Variants in ONECUT2 observed in about 807,000 individuals in gnomAD.
The protein encoded by ONECUT2 is one cut homeobox 2, also known as one cut domain family member 2.
In ONECUT2, 10 loss-of-function variants were observed where a neutral mutation model predicts 27.9. The ratio of observed to expected loss-of-function variants is 0.36; its 90% CI spans 0.22 to 0.61. ONECUT2 has a LOEUF of 0.61. Among genes scored for constraint, ONECUT2 ranks in the 20% least tolerant of loss-of-function variants. The pLI is 0.73. For missense variants in ONECUT2, 686 were observed against 721.0 expected, an observed-to-expected ratio of 0.95 and a Z score of 0.56; for synonymous variants, 334 against 315.1, an observed-to-expected ratio of 1.06 and a Z score of -0.64.
intron 1 of ONECUT2, 86 bp from the exon 2 acceptor site, chr18:57,476,351 C>G: frequency 7.2e-7 from 1 of 1,395,660 alleles, no homozygotes; most frequent in South Asian, 1.4e-5. Flanking sequence ...GTTTACATCT[C>G]TTTGTACAAC....
Position 57,490,873 on chromosome 18 carries a change from C to G in ONECUT2, c.*14150C>G, listed in dbSNP as rs2279098. The G allele has an allele frequency of 3.0e-3, 456 of 152,756 alleles. 7 individuals carry two copies. In the East Asian group the frequency reaches 0.057, roughly 19 times the overall value. The allele number at this position is 152,756 out of a possible 1,614,324, so 9.5% of individuals were successfully genotyped here. The stretch of plus-strand genomic sequence containing the variant: ...AACACACCCCTAAAATTTGCACTCT[C>G]TTCCGTTTTGAAAAAGAAAACCCAC... On this transcript the variant is annotated 3_prime_UTR_variant, in exon 2 of 2. Transcript: ENST00000491143.
rs2050403111 is a variant in ONECUT2 at position 57,479,289 on chromosome 18, T to C, written c.*2566T>C. 6.6e-6 allele frequency: 1 copy of C among 152,492 alleles called. No individual in the cohort carries two copies. Among genetic ancestry groups the C allele is most frequent in the African/African-American group, 2.4e-5 (1 of 41,462 alleles). 9.4% of individuals were successfully genotyped at this position (152,492 alleles called of 1,614,324 possible). A position where few individuals can be genotyped will look rare whatever the true frequency, so the allele number is the denominator to read the frequency against. Reference sequence around the variant, plus strand: ...AAAAATAATTGCCAGTTTCTACTTTTCTATTAGCTTTTTAAAAATCAGCTG... The same window carrying C: ...AAAAATAATTGCCAGTTTCTACTTTCCTATTAGCTTTTTAAAAATCAGCTG... On this transcript the variant is annotated 3_prime_UTR_variant, in exon 2 of 2. Transcript: ENST00000491143.
At chr18:57,444,046 T>TGTAATCTCTG (rs1372561654) in intron 1 of ONECUT2, among the ~76,000 whole-genome samples, 1 of 152,230 alleles carries the variant, frequency 6.6e-6, no homozygotes, top group Non-Finnish European at 1.5e-5. Flanking sequence ...CTTGAAGTCA[T>TGTAATCTCTG]GTAATCTCTG....
In ONECUT2 at chr18:57,476,720, A is replaced by G. The variant is rs749106481; in HGVS notation, c.1512A>G (p.Ala504=). The G allele has an allele frequency of 1.4e-5, 23 of 1,613,724 alleles. No homozygotes were observed. The South Asian group carries it at 2.3e-4, about 16-fold the overall frequency. The part of the protein sequence containing the change: ...SSSTSSTCTK[A] Reference sequence around the variant, plus strand: ...CCACCTCCAGCACGTGTACCAAAGCATGATGGAAGGACTCTCACTTGGGCA... The same window carrying G: ...CCACCTCCAGCACGTGTACCAAAGCGTGATGGAAGGACTCTCACTTGGGCA... Residue 504 remains alanine (A), a synonymous_variant, in exon 2 of 2, where the codon GCA becomes GCG. Transcript: ENST00000491143.
At chr18:57,460,875 G>A (rs2050287339) in intron 1 of ONECUT2, among the ~76,000 whole-genome samples, 1 of 151,884 alleles carries the variant, frequency 6.6e-6, no homozygotes, top group African/African-American at 2.4e-5. Flanking sequence ...ATTTTTTGTA[G>A]AGACAGGGTG....
rs1229392776 is a variant in ONECUT2, at chr18:57,483,930, G to A, written c.*7207G>A. ...TTTATATTTTTAATTTAAAACAACA[G>A]AGAGCACTGCAGTTTGTTTGCTGTC... On this transcript the variant is annotated 3_prime_UTR_variant, in exon 2 of 2. Transcript: ENST00000491143. The A allele has an allele frequency of 6.6e-6, 1 of 152,570 alleles. No homozygotes were observed. The highest frequency in any genetic ancestry group is 6.5e-5 in the Admixed American group (1 of 15,276). The allele number at this position is 152,570 out of a possible 1,614,324, so 9.5% of individuals were successfully genotyped here. A position where few individuals can be genotyped will look rare whatever the true frequency, so the allele number is the denominator to read the frequency against.
At chr18:57,453,428 A>T (rs2050241758) in intron 1 of ONECUT2, among the ~76,000 whole-genome samples, 1 of 152,224 alleles carries the variant, frequency 6.6e-6, no homozygotes, top group African/African-American at 2.4e-5. Flanking sequence ...TTCAAGTCAA[A>T]GTCTGTTTAA....
chr18:57,478,337 T>G lies in ONECUT2; in HGVS notation c.*1614T>G, dbSNP rs1013484216. ...GGGGTGTTCAAAGCAAGCCAAACGC[T>G]GCAATCATTCTTTACAGACACTTGA... On this transcript the variant is annotated 3_prime_UTR_variant, in exon 2 of 2. Coordinates refer to ENST00000491143, the MANE Select transcript of ONECUT2 (RefSeq NM_004852.3). 1 of 152,622 alleles carries G rather than the reference T, an allele frequency of 6.6e-6. No homozygotes were observed. The highest frequency in any genetic ancestry group is 2.4e-5 in the African/African-American group (1 of 41,464). 9.5% of individuals were successfully genotyped at this position (152,622 alleles called of 1,614,324 possible).
At chr18:57,451,816 A>G (rs943108431) in intron 1 of ONECUT2, among the ~76,000 whole-genome samples, 1 of 152,188 alleles carries the variant, frequency 6.6e-6, no homozygotes, top group Non-Finnish European at 1.5e-5. Flanking sequence ...GGAAAGCAAG[A>G]GGTGAAAGCA....
At chr18:57,448,320 AT>A (rs1191518894) in intron 1 of ONECUT2, among the ~76,000 whole-genome samples, 8 of 152,198 alleles carry the variant, frequency 5.3e-5, no homozygotes, top group South Asian at 2.1e-4. Flanking sequence ...ATAAATGAGA[AT>A]TTTTTTTCCC....
At chr18:57,446,222 A>C (rs146134656) in intron 1 of ONECUT2, among the ~76,000 whole-genome samples, 1 of 152,362 alleles carries the variant, frequency 6.6e-6, no homozygotes, top group Non-Finnish European at 1.5e-5. Flanking sequence ...CAACTTGTTT[A>C]CATTTCCCAA....
At chr18:57,444,756 A>G (rs56261635) in intron 1 of ONECUT2, among the ~76,000 whole-genome samples, 8,302 of 152,288 alleles carry the variant, frequency 0.055, 327 homozygotes, top group Non-Finnish European at 0.081. Flanking sequence ...AGGAAACCAC[A>G]TAGTTAAAGA....
At chr18:57,442,930 C>G (rs2050183570) in intron 1 of ONECUT2, among the ~76,000 whole-genome samples, 1 of 152,142 alleles carries the variant, frequency 6.6e-6, no homozygotes, top group Non-Finnish European at 1.5e-5. Flanking sequence ...GGAAGGAGAG[C>G]CAGCCTCTCC....
chr18:57,473,024 C>T (rs925485346), intron 1 of ONECUT2, among the ~76,000 whole-genome samples: 7 of 152,160 alleles, frequency 4.6e-5, no homozygotes, highest in East Asian at 3.8e-4. Flanking sequence ...GGGTCAGGGA[C>T]GGTTGTCCAG....
At chr18:57,437,009 C>T in intron 1 of ONECUT2, 65 bp downstream of exon 1, 5 of 1,498,630 alleles carry the variant, frequency 3.3e-6, no homozygotes, top group Non-Finnish European at 4.4e-6. Context: ...GTGCTTGTGG[C>T]CCAAGTCTGC....
intron 1 of ONECUT2, among the ~76,000 whole-genome samples, chr18:57,471,812 G>A (rs770334006): frequency 5.9e-5 from 9 of 152,106 alleles, no homozygotes; most frequent in Admixed American, 3.9e-4. Context: ...ACTTCTCTTC[G>A]AGTCTTTGAA....
chr18:57,463,499 AGAAG>A (rs1464586806), intron 1 of ONECUT2, among the ~76,000 whole-genome samples: 1 of 152,174 alleles, frequency 6.6e-6, no homozygotes, highest in Non-Finnish European at 1.5e-5. Context: ...AAGGAAGGAA[AGAAG>A]GAAGGAAGAG....
At chr18:57,441,576 G>C (rs1265545917) in intron 1 of ONECUT2, among the ~76,000 whole-genome samples, 1 of 152,370 alleles carries the variant, frequency 6.6e-6, no homozygotes, top group African/African-American at 2.4e-5. Flanking sequence ...CCGGCGATCC[G>C]CCTGGGCGGC....
chr18:57,457,469 C>G (rs939043973), intron 1 of ONECUT2, among the ~76,000 whole-genome samples: 9 of 152,186 alleles, frequency 5.9e-5, no homozygotes, highest in African/African-American at 2.2e-4. Flanking sequence ...TGAACTCCCT[C>G]CCCTGCCCCT....
Sources: allele counts gnomAD v4.1 joint callset (sites outside exome capture counted in the v4.1 genomes callset), GRCh38; gene constraint gnomAD v4.1.1; transcripts MANE v1.5; gene names NCBI Gene and HGNC (gene_info 2026-07-23, HGNC 2026-07-21).